The following PMP2 variants were observed in gnomAD, a reference collection of about 807,000 sequenced individuals.
The protein encoded by PMP2 is peripheral myelin protein 2.
In PMP2, 11 loss-of-function variants were observed where a neutral mutation model predicts 15.9. That is an observed-to-expected ratio of 0.69 (90% CI 0.44 to 1.14). PMP2 has a LOEUF of 1.14. Ranked by LOEUF, PMP2 falls within the 50% of genes most tolerant of loss-of-function variation. The pLI is 0.00. For synonymous variants in PMP2, 55 were observed against 54.1 expected, an observed-to-expected ratio of 1.02 and a Z score of -0.07; for missense variants, 151 against 154.0, an observed-to-expected ratio of 0.98 and a Z score of 0.10.
intron 1 of PMP2, among the ~76,000 whole-genome samples, chr8:81,445,819 T>A (rs969139805): frequency 1.6e-4 from 24 of 152,182 alleles, no homozygotes; most frequent in African/African-American, 5.3e-4. Context: ...GTGGCTTCTA[T>A]ATCTAGCTGG....
At position 81,441,656 on chromosome 8, in the gene PMP2, A is replaced by T. The variant is rs544482166; in HGVS notation, c.*1742T>A. 6.6e-6 allele frequency: 1 copy of T among 151,720 alleles called. No individual in the cohort carries two copies. The highest frequency in any genetic ancestry group is 6.6e-5 in the Admixed American group (1 of 15,236). 9.4% of individuals were successfully genotyped at this position (151,720 alleles called of 1,614,324 possible). Reference sequence around the variant, plus strand: ...ATTCATGGATTTCTATTTTTTCCCAATGGAATTGGGAATTTATTTTATTTT... The same window carrying T: ...ATTCATGGATTTCTATTTTTTCCCATTGGAATTGGGAATTTATTTTATTTT... On this transcript the variant is annotated 3_prime_UTR_variant, in exon 4 of 4. Coordinates refer to ENST00000256103, the MANE Select transcript of PMP2 (RefSeq NM_002677.5).
At position 81,443,436 on chromosome 8, in the gene PMP2, T is replaced by C; in HGVS notation, c.361A>G (p.Lys121Glu). Residue 121 changes from lysine (K) to glutamate (E), a missense_variant, in exon 4 of 4, where the codon AAG (lysine) becomes GAG (glutamate). Transcript: ENST00000256103. ...NGKMVAECKM[K>E]GVVCTRIYEK... Reference sequence around the variant, plus strand: ...TAGATTCTGGTGCACACCACGCCCTTCATTTTACATTCCTTAAAAAAGAGA... The same window carrying C: ...TAGATTCTGGTGCACACCACGCCCTCCATTTTACATTCCTTAAAAAAGAGA... The C allele has an allele frequency of 1.3e-6, 2 of 1,598,996 alleles. No individual in the cohort carries two copies. The highest frequency in any genetic ancestry group is 1.7e-6 in the Non-Finnish European group (2 of 1,171,756).
intron 1 of PMP2, among the ~76,000 whole-genome samples, chr8:81,446,196 T>C (rs1264863619): frequency 2.6e-5 from 4 of 152,222 alleles, no homozygotes; most frequent in Non-Finnish European, 5.9e-5. Context: ...TTTAGGACAA[T>C]GTTTCTCAAG....
Position 81,443,434 on chromosome 8 carries a change from C to A in PMP2, c.363G>T (p.Lys121Asn). The A allele has an allele frequency of 6.3e-7, 1 of 1,598,618 alleles. No homozygotes were observed. ...NGKMVAECKM[K>N]GVVCTRIYEK... ...CATAGATTCTGGTGCACACCACGCC[C>A]TTCATTTTACATTCCTTAAAAAAGA... Residue 121 changes from lysine to asparagine, a missense_variant, in exon 4 of 4, where the codon AAG (lysine) becomes AAT (asparagine). Coordinates refer to ENST00000256103, the MANE Select transcript of PMP2 (RefSeq NM_002677.5).
chr8:81,443,276 A>C lies in PMP2; in HGVS notation c.*122T>G, dbSNP rs1021027053. The C allele has an allele frequency of 4.8e-6, 3 of 631,416 alleles. No homozygotes were observed. Among genetic ancestry groups the C allele is most frequent in the African/African-American group, 3.7e-5 (2 of 53,698 alleles). 39.1% of individuals were successfully genotyped at this position (631,416 alleles called of 1,614,324 possible). On this transcript the variant is annotated 3_prime_UTR_variant, in exon 4 of 4. Coordinates refer to ENST00000256103, the MANE Select transcript of PMP2 (RefSeq NM_002677.5). ...ATTAATTCTCAGTTTAGGCCTTTGC[A>C]TATCTGATATATTAAGACAAAAGCA...
At position 81,441,125 on chromosome 8, in the gene PMP2, C is replaced by T. The variant is rs1406294101; in HGVS notation, c.*2273G>A. On this transcript the variant is annotated 3_prime_UTR_variant, in exon 4 of 4. Coordinates refer to ENST00000256103, the MANE Select transcript of PMP2 (RefSeq NM_002677.5). ...TTTTTGAAGAATTCAGTCAAAACCC[C>T]CTGTCGTTTCTGGTTGTTGTTGTTA... The T allele has an allele frequency of 6.6e-6, 1 of 151,998 alleles. No homozygotes were observed. Among genetic ancestry groups the T allele is most frequent in the Non-Finnish European group, 1.5e-5 (1 of 67,978 alleles). The allele number at this position is 151,998 out of a possible 1,614,324, so 9.4% of individuals were successfully genotyped here.
chr8:81,443,063 G>A lies in PMP2; in HGVS notation c.*335C>T. 5.5e-6 allele frequency: 1 copy of A among 182,820 alleles called. No homozygotes were observed. Among genetic ancestry groups the A allele is most frequent in the Non-Finnish European group, 1.1e-5 (1 of 88,740 alleles). The allele number at this position is 182,820 out of a possible 1,614,324, so 11.3% of individuals were successfully genotyped here. On this transcript the variant is annotated 3_prime_UTR_variant, in exon 4 of 4. Coordinates refer to ENST00000256103, the MANE Select transcript of PMP2 (RefSeq NM_002677.5). ...AGTTTGCTACCCTGATCAATACTTTGATTTCATTTTACTAAGAAATTATAT... is the reference window on the plus strand; with the variant it reads ...AGTTTGCTACCCTGATCAATACTTTAATTTCATTTTACTAAGAAATTATAT...
At chr8:81,444,035 G>A (rs1419272653) in intron 3 of PMP2, among the ~76,000 whole-genome samples, 1 of 151,826 alleles carries the variant, frequency 6.6e-6, no homozygotes, top group Non-Finnish European at 1.5e-5. Flanking sequence ...CCAACTAGAA[G>A]TCTCCAATGA....
At chr8:81,445,946 CTT>C (rs1262856550) in intron 1 of PMP2, among the ~76,000 whole-genome samples, 3 of 151,862 alleles carry the variant, frequency 2.0e-5, no homozygotes, top group Non-Finnish European at 4.4e-5. Context: ...AAATTAGACT[CTT>C]AAGTTTATTA....
In PMP2 at chr8:81,441,930, C is replaced by T. The variant is rs927549571; in HGVS notation, c.*1468G>A. On this transcript the variant is annotated 3_prime_UTR_variant, in exon 4 of 4. Coordinates refer to ENST00000256103, the MANE Select transcript of PMP2 (RefSeq NM_002677.5). The stretch of plus-strand genomic sequence containing the variant: ...TTTTAGTGGCAAACTATATTAGACA[C>T]GAAGATCTGAGTGCTAGGTATATTC... 4 of 152,048 alleles carry T rather than the reference C, an allele frequency of 2.6e-5. No individual in the cohort carries two copies. The highest frequency in any genetic ancestry group is 1.3e-4 in the Admixed American group (2 of 15,264). 9.4% of individuals were successfully genotyped at this position (152,048 alleles called of 1,614,324 possible).
rs1231690272 is a variant in PMP2 at position 81,443,467 on chromosome 8, T to C, written c.349-19A>G. 6.5e-7 allele frequency: 1 copy of C among 1,545,186 alleles called. No homozygotes were observed. On this transcript the variant is annotated intron_variant, in intron 3 of 3. Coordinates refer to ENST00000256103, the MANE Select transcript of PMP2 (RefSeq NM_002677.5). Reference sequence around the variant, plus strand: ...TACATTCCTTAAAAAAGAGAGAGGTTAATTGAGTATCTCAAGTTCAAACCA... The same window carrying C: ...TACATTCCTTAAAAAAGAGAGAGGTCAATTGAGTATCTCAAGTTCAAACCA...
rs1807345977 is a variant in PMP2, at chr8:81,441,585, C to G, written c.*1813G>C. On this transcript the variant is annotated 3_prime_UTR_variant, in exon 4 of 4. Transcript: ENST00000256103. ...ATCTATATATCTATCTATCATCTGT[C>G]AGTCATCTACCTATCTATCGATTAT... 6.6e-6 allele frequency: 1 copy of G among 151,912 alleles called. No individual in the cohort carries two copies. The highest frequency in any genetic ancestry group is 2.4e-5 in the African/African-American group (1 of 41,342). 9.4% of individuals were successfully genotyped at this position (151,912 alleles called of 1,614,324 possible). A position where few individuals can be genotyped will look rare whatever the true frequency, so the allele number is the denominator to read the frequency against.
intron 1 of PMP2, among the ~76,000 whole-genome samples, chr8:81,445,683 A>C (rs1422326895): frequency 6.6e-6 from 1 of 152,192 alleles, no homozygotes; most frequent in East Asian, 1.9e-4. Flanking sequence ...AATACTATAG[A>C]TATATTTTAA....
Position 81,443,208 on chromosome 8 carries a change from C to A in PMP2, c.*190G>T. ...TATATATGCTTTGATGTAATAATGA[C>A]ATGCATGCACATTGAAAATGTTTAA... On this transcript the variant is annotated 3_prime_UTR_variant, in exon 4 of 4. Transcript: ENST00000256103. 1 of 455,658 alleles carries A rather than the reference C, an allele frequency of 2.2e-6. No individual in the cohort carries two copies. Among genetic ancestry groups the A allele is most frequent in the Non-Finnish European group, 3.8e-6 (1 of 259,742 alleles). 28.2% of individuals were successfully genotyped at this position (455,658 alleles called of 1,614,324 possible).
chr8:81,446,267 A>AT (rs1807448588), intron 1 of PMP2, among the ~76,000 whole-genome samples: 1 of 152,182 alleles, frequency 6.6e-6, no homozygotes. Context: ...CCAAGGTGTT[A>AT]TTTTGCATGC....
chr8:81,444,614 G>A lies in PMP2; in HGVS notation c.247-13C>T, dbSNP rs374096775. On this transcript the variant is annotated splice_polypyrimidine_tract_variant and intron_variant, in intron 2 of 3. Coordinates refer to ENST00000256103, the MANE Select transcript of PMP2 (RefSeq NM_002677.5). ...GGGTTACGATGCTCTGCAAAGACAA[G>A]GTCATGCAATTGACTTGCCTGAAAT... 1 of 1,598,840 alleles carries A rather than the reference G, an allele frequency of 6.3e-7. No homozygotes were observed. The highest frequency in any genetic ancestry group is 8.5e-7 in the Non-Finnish European group (1 of 1,170,486).
rs376633366 is a variant in PMP2 at position 81,440,472 on chromosome 8, C to T, written c.*2926G>A. On this transcript the variant is annotated 3_prime_UTR_variant, in exon 4 of 4. Coordinates refer to ENST00000256103, the MANE Select transcript of PMP2 (RefSeq NM_002677.5). Reference sequence around the variant, plus strand: ...GCAACAAAACAACAATAACAACAAACAACAACAATAAATAAAAAACCACTT... The same window carrying T: ...GCAACAAAACAACAATAACAACAAATAACAACAATAAATAAAAAACCACTT... 1 of 152,034 alleles carries T rather than the reference C, an allele frequency of 6.6e-6. No homozygotes were observed. The highest frequency in any genetic ancestry group is 2.1e-4 in the South Asian group (1 of 4,824). The allele number at this position is 152,034 out of a possible 1,614,324, so 9.4% of individuals were successfully genotyped here. A position where few individuals can be genotyped will look rare whatever the true frequency, so the allele number is the denominator to read the frequency against.
Position 81,444,874 on chromosome 8 carries a change from G to A in PMP2, c.189C>T (p.Ile63=). 6.2e-7 allele frequency: 1 copy of A among 1,613,602 alleles called. No homozygotes were observed. The highest frequency in any genetic ancestry group is 8.5e-7 in the Non-Finnish European group (1 of 1,179,550). ...RTESTFKNTE[I]SFKLGQEFEE... ...CAAATTCCTGGCCTAGCTTGAAGGA[G>A]ATTTCTGTATTTTTAAAGGTACTTT... The change falls in exon 2 of 4, where the codon ATC becomes ATT. Residue 63 remains isoleucine (I), a synonymous_variant. Coordinates refer to ENST00000256103, the MANE Select transcript of PMP2 (RefSeq NM_002677.5).
At chr8:81,443,710 A>T (rs1586350935) in intron 3 of PMP2, among the ~76,000 whole-genome samples, 1 of 152,136 alleles carries the variant, frequency 6.6e-6, no homozygotes, top group Non-Finnish European at 1.5e-5. Context: ...ATCTAATAAG[A>T]CAGTGGTTTT....
Sources: gnomAD v4.1 joint callset for allele counts (sites outside exome capture counted in the v4.1 genomes callset) on GRCh38, gnomAD v4.1.1 for gene constraint, MANE v1.5 for transcripts, NCBI Gene and HGNC (gene_info 2026-07-23, HGNC 2026-07-21) for gene names.